CHCT1: variants seen among roughly 807,000 people sequenced by gnomAD.
CHCT1 encodes CHD1 helical C-terminal domain containing 1, also known as CHD1 helical C-terminal domain containing protein 1.
At chr17:60,429,230 C>A in the CHCT1 span, 1 of 952,780 alleles carries the variant, frequency 1.0e-6, no homozygotes, top group Non-Finnish European at 1.5e-6. Context: ...TGATTCCTAC[C>A]CCATCCTTTT....
At chr17:60,421,602 C>A in the CHCT1 span, 2 of 982,136 alleles carry the variant, frequency 2.0e-6, no homozygotes, top group African/African-American at 1.7e-5. Flanking sequence ...GCGGGGGCAA[C>A]GGTCTCTCGT....
chr17:60,429,620 G>A, the CHCT1 span: 1 of 1,538,838 alleles, frequency 6.5e-7, no homozygotes, highest in African/African-American at 1.4e-5. Context: ...GTGTCTGGGT[G>A]TTTCCCAAGA....
the CHCT1 span, among the ~76,000 whole-genome samples, chr17:60,425,320 C>T: frequency 6.6e-5 from 10 of 152,132 alleles, no homozygotes; most frequent in South Asian, 2.1e-3. Flanking sequence ...TAGCTGGGAC[C>T]ACAGGTGCAC....
At chr17:60,426,834 T>C in the CHCT1 span, 1 of 1,584,588 alleles carries the variant, frequency 6.3e-7, no homozygotes, top group Admixed American at 1.8e-5. Context: ...CGCAAGACAT[T>C]CCGCCCGAGC....
chr17:60,426,224 C>T, the CHCT1 span: 1 of 1,551,886 alleles, frequency 6.4e-7, no homozygotes, highest in Non-Finnish European at 8.7e-7. Flanking sequence ...CAGGGACCTT[C>T]CCCAGAAGAA....
the CHCT1 span, chr17:60,429,298 G>C: frequency 6.6e-7 from 1 of 1,526,422 alleles, no homozygotes; most frequent in Non-Finnish European, 8.9e-7. Flanking sequence ...ATGCGGTGCT[G>C]GGACTCTAAA....
chr17:60,425,751 C>T, the CHCT1 span: 2 of 1,492,474 alleles, frequency 1.3e-6, no homozygotes, highest in South Asian at 2.4e-5. Context: ...ACGGTCCAAT[C>T]CCCCGGCTTA....
At chr17:60,422,476 G>T in the CHCT1 span, 1 of 1,530,258 alleles carries the variant, frequency 6.5e-7, no homozygotes, top group Non-Finnish European at 8.8e-7. Context: ...GCTTTGCTCC[G>T]AGTTCTGGAG....
At chr17:60,421,841 G>A in the CHCT1 span, 1 of 984,894 alleles carries the variant, frequency 1.0e-6, no homozygotes, top group Non-Finnish European at 1.2e-6. Context: ...CTCCCCGCCT[G>A]GTGGCTGCGC....
chr17:60,425,773 C>A, the CHCT1 span: 1 of 1,546,210 alleles, frequency 6.5e-7, no homozygotes, highest in Non-Finnish European at 8.8e-7. Context: ...TGCCCCCTGC[C>A]TCCTCCTAGG....
the CHCT1 span, among the ~76,000 whole-genome samples, chr17:60,427,371 T>C: frequency 6.6e-6 from 1 of 152,044 alleles, no homozygotes; most frequent in African/African-American, 2.4e-5. Context: ...GACATAGCAT[T>C]GGTAGGTGTG....
the CHCT1 span, among the ~76,000 whole-genome samples, chr17:60,422,960 C>G: frequency 6.6e-6 from 1 of 151,996 alleles, no homozygotes; most frequent in Admixed American, 6.6e-5. Context: ...AGAGTCCTGT[C>G]TCTAGGACCT....
the CHCT1 span, among the ~76,000 whole-genome samples, chr17:60,424,972 T>A: frequency 6.6e-6 from 1 of 152,226 alleles, no homozygotes; most frequent in Non-Finnish European, 1.5e-5. Context: ...TTAAATATTA[T>A]TTCAGATCCT....
chr17:60,429,532 A>T, the CHCT1 span: 1 of 1,614,186 alleles, frequency 6.2e-7, no homozygotes, highest in African/African-American at 1.3e-5. Flanking sequence ...CTGGGCAGCC[A>T]AGATCCCAGG....
chr17:60,426,860 TTGA>T, the CHCT1 span: 16 of 1,556,210 alleles, frequency 1.0e-5, 1 homozygote, highest in South Asian at 1.9e-4. Flanking sequence ...TGAGGGTTGG[TTGA>T]TGTGTCCTTA....
At chr17:60,426,659 TG>T in the CHCT1 span, 263 of 1,556,364 alleles carry the variant, frequency 1.7e-4, no homozygotes, top group Non-Finnish European at 2.2e-4. Context: ...CTGAGACAAA[TG>T]CTGGAGGGAG....
the CHCT1 span, among the ~76,000 whole-genome samples, chr17:60,430,363 A>G: frequency 6.6e-6 from 1 of 152,172 alleles, no homozygotes; most frequent in Admixed American, 6.5e-5. Context: ...CAAAGCACAG[A>G]ATATCTCATG....
chr17:60,422,738 C>A, the CHCT1 span: 78 of 1,301,054 alleles, frequency 6.0e-5, no homozygotes, highest in Admixed American at 1.6e-3. Flanking sequence ...AAGAGAAGAA[C>A]AATGATAGGG....
chr17:60,423,365 G>T, the CHCT1 span, among the ~76,000 whole-genome samples: 3 of 151,786 alleles, frequency 2.0e-5, no homozygotes, highest in East Asian at 5.8e-4. Context: ...GCTAATTTTT[G>T]TATTTTTGGT....
Sources: allele counts gnomAD v4.1 joint callset (sites outside exome capture counted in the v4.1 genomes callset), GRCh38; gene constraint gnomAD v4.1.1; transcripts MANE v1.5; gene names NCBI Gene and HGNC (gene_info 2026-07-23, HGNC 2026-07-21).